ANKS1B: variants seen among roughly 807,000 people sequenced by gnomAD.
ANKS1B encodes the protein ankyrin repeat and sterile alpha motif domain containing 1B.
ANKS1B carries 36 observed loss-of-function variants against 148.3 expected under a neutral mutation model. The ratio of observed to expected loss-of-function variants is 0.24; its 90% confidence interval spans 0.19 to 0.32. The LOEUF is 0.32. Ranked by LOEUF, ANKS1B falls within the 10% of genes least tolerant of loss-of-function variation. ANKS1B has a pLI of 1.00. For missense variants in ANKS1B, 1,157 were observed against 1,542.6 expected, an observed-to-expected ratio of 0.75 and a Z score of 4.19; for synonymous variants, 542 against 560.8, an observed-to-expected ratio of 0.97 and a Z score of 0.47.
intron 9 of ANKS1B, among the ~76,000 whole-genome samples, chr12:99,559,617 T>TG (rs1307344786): frequency 6.6e-6 from 1 of 152,208 alleles, no homozygotes; most frequent in East Asian, 1.9e-4. Flanking sequence ...GCTATATCCT[T>TG]GTATAACCCT....
chr12:99,316,817 T>C (rs1401300410), intron 12 of ANKS1B, among the ~76,000 whole-genome samples: 1 of 152,208 alleles, frequency 6.6e-6, no homozygotes, highest in African/African-American at 2.4e-5. Flanking sequence ...AACATTTAAG[T>C]CTTTAATCTA....
At chr12:99,287,571 C>T (rs780984809) in intron 12 of ANKS1B, among the ~76,000 whole-genome samples, 16 of 152,072 alleles carry the variant, frequency 1.1e-4, no homozygotes, top group Non-Finnish European at 1.9e-4. Flanking sequence ...AAATAAGGCA[C>T]CAGTGACCAA....
chr12:98,902,108 G>T (rs941742650), intron 17 of ANKS1B, among the ~76,000 whole-genome samples: 6 of 152,138 alleles, frequency 3.9e-5, no homozygotes, highest in African/African-American at 1.4e-4. Context: ...AGGCAAGCAG[G>T]CTTGGAATCC....
At chr12:98,887,238 CA>C (rs1267484650) in intron 17 of ANKS1B, among the ~76,000 whole-genome samples, 2 of 152,198 alleles carry the variant, frequency 1.3e-5, no homozygotes, top group Non-Finnish European at 2.9e-5. Flanking sequence ...CTGGAATATG[CA>C]GCTTAAAAAT....
chr12:99,745,646 G>A (rs1250794996), intron 8 of ANKS1B, among the ~76,000 whole-genome samples: 1 of 152,018 alleles, frequency 6.6e-6, no homozygotes, highest in Non-Finnish European at 1.5e-5. Flanking sequence ...GATTGTGAAA[G>A]TATCTTGATG....
chr12:99,051,090 C>T (rs984846829), intron 17 of ANKS1B, among the ~76,000 whole-genome samples: 6 of 152,144 alleles, frequency 3.9e-5, no homozygotes, highest in South Asian at 2.1e-4. Context: ...AGCCAGGGGC[C>T]GTGATCCCCA....
intron 17 of ANKS1B, among the ~76,000 whole-genome samples, chr12:98,979,017 C>T (rs2099903671): frequency 6.6e-6 from 1 of 151,616 alleles, no homozygotes; most frequent in Non-Finnish European, 1.5e-5. Context: ...TGGCGGGCGC[C>T]TGTAGTCCCA....
chr12:99,510,840 G>T (rs1476381102), intron 9 of ANKS1B, among the ~76,000 whole-genome samples: 1 of 151,854 alleles, frequency 6.6e-6, no homozygotes. Context: ...AAACTACATT[G>T]TTCCCTTATT....
chr12:99,390,031 C>G (rs1028169726), intron 12 of ANKS1B, among the ~76,000 whole-genome samples: 9 of 152,138 alleles, frequency 5.9e-5, no homozygotes, highest in African/African-American at 2.2e-4. Context: ...TGGTGCCTGG[C>G]TGGACTCATA....
intron 1 of ANKS1B, among the ~76,000 whole-genome samples, chr12:99,912,151 G>C (rs888410928): frequency 9.8e-5 from 15 of 152,312 alleles, no homozygotes; most frequent in African/African-American, 3.6e-4. Flanking sequence ...GAAAATGTTT[G>C]ATTTATTAAA....
intron 14 of ANKS1B, among the ~76,000 whole-genome samples, chr12:99,188,970 G>A (rs2153877170): frequency 6.6e-6 from 1 of 152,176 alleles, no homozygotes; most frequent in East Asian, 1.9e-4. Context: ...AGAAAAGAGA[G>A]AATAATCAAA....
At chr12:99,538,291 G>A (rs2097092826) in intron 9 of ANKS1B, among the ~76,000 whole-genome samples, 1 of 152,016 alleles carries the variant, frequency 6.6e-6, no homozygotes, top group Admixed American at 6.6e-5. Context: ...CTATTTCTGT[G>A]AAGAATGTTA....
intron 12 of ANKS1B, among the ~76,000 whole-genome samples, chr12:99,302,979 T>C (rs947973813): frequency 3.3e-5 from 5 of 152,174 alleles, no homozygotes; most frequent in Admixed American, 6.6e-5. Flanking sequence ...TTTAGGCTAA[T>C]TGAGTTCAAA....
intron 12 of ANKS1B, among the ~76,000 whole-genome samples, chr12:99,263,872 T>C (rs1269330528): frequency 6.6e-6 from 1 of 152,180 alleles, no homozygotes; most frequent in Non-Finnish European, 1.5e-5. Flanking sequence ...TCTTTATAAG[T>C]TACCCAGTCT....
intron 9 of ANKS1B, among the ~76,000 whole-genome samples, chr12:99,520,810 T>C (rs943818624): frequency 6.6e-6 from 1 of 152,170 alleles, no homozygotes; most frequent in African/African-American, 2.4e-5. Flanking sequence ...TTTTTTGTTT[T>C]CTTGAGATGG....
intron 12 of ANKS1B, among the ~76,000 whole-genome samples, chr12:99,327,247 T>A (rs1319327728): frequency 1.8e-5 from 2 of 109,906 alleles, no homozygotes; most frequent in Non-Finnish European, 3.5e-5. Context: ...AATTATAATT[T>A]ATTATAATTA....
intron 1 of ANKS1B, among the ~76,000 whole-genome samples, chr12:99,852,054 C>T (rs1437479502): frequency 1.3e-5 from 2 of 152,152 alleles, no homozygotes; most frequent in African/African-American, 4.8e-5. Flanking sequence ...TCTCAGAAAG[C>T]TCAGTCTAGC....
intron 11 of ANKS1B, among the ~76,000 whole-genome samples, chr12:99,411,654 C>A (rs558276863): frequency 2.0e-5 from 3 of 152,222 alleles, no homozygotes; most frequent in African/African-American, 7.2e-5. Context: ...TGTCCCAATA[C>A]CATTATTTAT....
chr12:98,888,701 T>C (rs1443833959), intron 17 of ANKS1B, among the ~76,000 whole-genome samples: 1 of 152,174 alleles, frequency 6.6e-6, no homozygotes, highest in Non-Finnish European at 1.5e-5. Context: ...GTATAGCTGG[T>C]TCCTTCTATT....
Sources: gnomAD v4.1 joint callset for allele counts (sites outside exome capture counted in the v4.1 genomes callset) on GRCh38, gnomAD v4.1.1 for gene constraint, MANE v1.5 for transcripts, NCBI Gene and HGNC (gene_info 2026-07-23, HGNC 2026-07-21) for gene names.